The following USP13 variants were observed in gnomAD, a reference collection of about 807,000 sequenced individuals.
USP13 encodes the protein ubiquitin specific peptidase 13, also known as ubiquitin carboxyl-terminal hydrolase 13.
A neutral mutation model predicts 107.8 loss-of-function variants in USP13; 68 were observed. That is an observed-to-expected ratio of 0.63 (90% CI 0.52 to 0.77). The LOEUF is 0.77. Ranked by LOEUF, USP13 falls within the 30% of genes least tolerant of loss-of-function variation. USP13 has a pLI of 0.00. For synonymous variants in USP13, 377 were observed against 389.5 expected (o/e 0.97, Z 0.38); for missense variants, 945 against 1,093.3 (o/e 0.86, Z 1.91).
chr3:179,737,265 C>T (rs1714025632), intron 10 of USP13, among the ~76,000 whole-genome samples: 1 of 152,182 alleles, frequency 6.6e-6, no homozygotes, highest in Non-Finnish European at 1.5e-5. Context: ...GACTTAATAA[C>T]TCTGTGCCTC....
intron 14 of USP13, 89 bp downstream of exon 14, chr3:179,752,462 C>A (rs1015958580): frequency 4.3e-6 from 4 of 923,968 alleles, no homozygotes; most frequent in African/African-American, 3.3e-5. Flanking sequence ...AGTTGGCTGC[C>A]ACAAACAGTT....
At chr3:179,707,615 A>G (rs180758910) in intron 5 of USP13, among the ~76,000 whole-genome samples, 25 of 152,214 alleles carry the variant, frequency 1.6e-4, no homozygotes, top group Admixed American at 8.5e-4. Context: ...CACCTCCCGG[A>G]CAAGCCATTT....
chr3:179,661,048 T>C (rs928084891), intron 1 of USP13, among the ~76,000 whole-genome samples: 1 of 152,248 alleles, frequency 6.6e-6, no homozygotes, highest in Non-Finnish European at 1.5e-5. Context: ...TTACATTCTA[T>C]TGGCTTTTGA....
chr3:179,700,857 A>T (rs1231689894), intron 3 of USP13, 151 bp from the exon 4 acceptor site: 1 of 860,446 alleles, frequency 1.2e-6, no homozygotes, highest in African/African-American at 1.7e-5. Flanking sequence ...TTGAGGACAG[A>T]TGGACGGCCC....
At chr3:179,727,821 G>C (rs9758313) in intron 8 of USP13, among the ~76,000 whole-genome samples, 10 of 76,626 alleles carry the variant, frequency 1.3e-4, no homozygotes, top group Non-Finnish European at 2.2e-4. Flanking sequence ...CTCCCTCCCG[G>C]ACGGGGCGGC....
rs937040753 is a variant in USP13 at position 179,785,667 on chromosome 3, G to A, written c.*1526G>A. The A allele has an allele frequency of 2.6e-5, 4 of 152,206 alleles. No homozygotes were observed. The highest frequency in any genetic ancestry group is 9.7e-5 in the African/African-American group (4 of 41,442). The allele number at this position is 152,206 out of a possible 1,614,324, so 9.4% of individuals were successfully genotyped here. A position where few individuals can be genotyped will look rare whatever the true frequency, so the allele number is the denominator to read the frequency against. ...CAGGTGAAACAAAGCACAGACATTG[G>A]GTTAGGATGTAGTGAGTTGTGAACA... On this transcript the variant is annotated 3_prime_UTR_variant, in exon 21 of 21. Coordinates refer to ENST00000263966, the MANE Select transcript of USP13 (RefSeq NM_003940.3).
At chr3:179,704,468 C>G (rs888752313) in intron 4 of USP13, among the ~76,000 whole-genome samples, 9 of 152,180 alleles carry the variant, frequency 5.9e-5, no homozygotes, top group African/African-American at 2.2e-4. Context: ...CGCCTGCCCT[C>G]TTCCCTGCAC....
At position 179,777,279 on chromosome 3, in the gene USP13, A is replaced by G. The variant is rs190909391; in HGVS notation, c.2414-4460A>G. On this transcript the variant is annotated intron_variant, in intron 19 of 20. Transcript: ENST00000263966. ...TCCTTTCTCTGTGTCTGTTTTGTCA[A>G]CCCATTGGCTGTGTTGGTATCTGTG... Among the ~76,000 whole-genome samples the G allele has an allele frequency of 3.5e-3, 526 of 151,910 alleles. 3 individuals carry two copies. Among genetic ancestry groups the G allele is most frequent in the Middle Eastern group, 0.014 (4 of 292 alleles).
intron 19 of USP13, among the ~76,000 whole-genome samples, chr3:179,779,393 G>A (rs1715662467): frequency 1.3e-5 from 2 of 152,014 alleles, no homozygotes; most frequent in East Asian, 1.9e-4. Flanking sequence ...CATTAGCCAG[G>A]CATGGTGGCA....
intron 10 of USP13, among the ~76,000 whole-genome samples, chr3:179,734,150 G>A (rs1317512044): frequency 6.6e-6 from 1 of 152,082 alleles, no homozygotes; most frequent in East Asian, 1.9e-4. Context: ...TATAAACCAA[G>A]GTTAAATCTA....
chr3:179,740,012 T>G (rs1576967156), intron 10 of USP13, among the ~76,000 whole-genome samples: 1 of 152,282 alleles, frequency 6.6e-6, no homozygotes, highest in East Asian at 1.9e-4. Context: ...CCTATTGTCC[T>G]AGTTTTAAGT....
At chr3:179,723,534 G>GAC (rs1305932878) in intron 8 of USP13, among the ~76,000 whole-genome samples, 1 of 152,190 alleles carries the variant, frequency 6.6e-6, no homozygotes, top group Non-Finnish European at 1.5e-5. Context: ...ATGAAGAAGG[G>GAC]ACACACATCC....
intron 19 of USP13, among the ~76,000 whole-genome samples, chr3:179,771,697 G>A (rs1171232674): frequency 6.6e-6 from 1 of 152,192 alleles, no homozygotes; most frequent in African/African-American, 2.4e-5. Flanking sequence ...GGTTAACACT[G>A]AAATAATAAG....
chr3:179,788,655 T>G lies in USP13; in HGVS notation c.*4514T>G, dbSNP rs1392098897. On this transcript the variant is annotated 3_prime_UTR_variant, in exon 21 of 21. Transcript: ENST00000263966. ...TTTATATAATTGAAATTAAAATTCT[T>G]TTCACCCATTTTTATTTTTTTAAAA... The G allele has an allele frequency of 2.0e-5, 3 of 152,232 alleles. No homozygotes were observed. The highest frequency in any genetic ancestry group is 4.4e-5 in the Non-Finnish European group (3 of 68,046). 9.4% of individuals were successfully genotyped at this position (152,232 alleles called of 1,614,324 possible). A position where few individuals can be genotyped will look rare whatever the true frequency, so the allele number is the denominator to read the frequency against.
chr3:179,774,576 G>C (rs908278971), intron 19 of USP13, among the ~76,000 whole-genome samples: 7 of 149,714 alleles, frequency 4.7e-5, no homozygotes, highest in Admixed American at 4.6e-4. Flanking sequence ...TTGTGGTCTC[G>C]CTGGCCTCAG....
At chr3:179,664,403 A>G (rs1720531289) in intron 1 of USP13, among the ~76,000 whole-genome samples, 1 of 152,098 alleles carries the variant, frequency 6.6e-6, no homozygotes, top group African/African-American at 2.4e-5. Context: ...CGCCAATATG[A>G]TATTTTCATG....
Position 179,707,022 on chromosome 3 carries a change from CTAAA to C in USP13, c.569_572del (p.Lys190MetfsTer32). On this transcript the variant is annotated frameshift_variant, in exon 5 of 21. Coordinates refer to ENST00000263966, the MANE Select transcript of USP13 (RefSeq NM_003940.3). LOFTEE classifies it high-confidence loss of function. Reference sequence around the variant, plus strand: ...ACGTGGGAAAATGAATTGCCAGTATCTAAATATGCCAACAACCTCACCCAGCTGG... The same window carrying C: ...ACGTGGGAAAATGAATTGCCAGTATCTATGCCAACAACCTCACCCAGCTGG... 1 of 1,614,146 alleles carries C rather than the reference CTAAA, an allele frequency of 6.2e-7. No homozygotes were observed. The highest frequency in any genetic ancestry group is 8.5e-7 in the Non-Finnish European group (1 of 1,180,026).
chr3:179,701,247 G>C (rs941988994), intron 4 of USP13, 118 bp downstream of exon 4: 9 of 1,288,862 alleles, frequency 7.0e-6, no homozygotes, highest in African/African-American at 1.5e-5. Flanking sequence ...TTGAATGAGA[G>C]AAGAGGATGA....
rs565971449 is a variant in USP13, at chr3:179,661,973, G to C, written c.168+8580G>C. On this transcript the variant is annotated intron_variant, in intron 1 of 20. Coordinates refer to ENST00000263966, the MANE Select transcript of USP13 (RefSeq NM_003940.3). ...TGGTGGGGATTCTGACGTCATCTGT[G>C]CAGTTTCTTGTGACGCTTGTACATC... Among the ~76,000 whole-genome samples, 32 of 152,314 alleles carry C rather than the reference G, an allele frequency of 2.1e-4. No homozygotes were observed. The South Asian group carries it at 6.2e-3, about 30-fold the overall frequency.
Sources: allele counts gnomAD v4.1 joint callset (sites outside exome capture counted in the v4.1 genomes callset), GRCh38; gene constraint gnomAD v4.1.1; transcripts MANE v1.5; gene names NCBI Gene and HGNC (gene_info 2026-07-23, HGNC 2026-07-21).